The following SEL1L3 variants were observed in gnomAD, a reference collection of about 807,000 sequenced individuals.
SEL1L3 encodes the protein SEL1L family member 3.
SEL1L3 carries 76 observed loss-of-function variants against 142.8 expected under a neutral mutation model. That is an observed-to-expected ratio of 0.53 (90% confidence interval 0.44 to 0.64). The LOEUF (loss-of-function observed/expected upper bound fraction) is 0.64. SEL1L3 is among the 30% of genes least tolerant of loss of function. The pLI, the probability that SEL1L3 is intolerant of heterozygous loss-of-function variation, is 0.00. For missense variants in SEL1L3, 1,262 were observed against 1,381.7 expected (o/e 0.91, Z 1.37); for synonymous variants, 504 against 519.6 (o/e 0.97, Z 0.41).
At chr4:25,822,618 C>T (rs1203872841) in intron 6 of SEL1L3, among the ~76,000 whole-genome samples, 2 of 152,068 alleles carry the variant, frequency 1.3e-5, no homozygotes, top group East Asian at 1.9e-4. Context: ...AAGCCAAAAG[C>T]GTAGACTATT....
At chr4:25,754,509 C>T (rs956494636) in intron 23 of SEL1L3, among the ~76,000 whole-genome samples, 2 of 151,804 alleles carry the variant, frequency 1.3e-5, no homozygotes, top group African/African-American at 2.4e-5. Flanking sequence ...CCACCATACC[C>T]GTCCCATATT....
intron 9 of SEL1L3, among the ~76,000 whole-genome samples, chr4:25,817,674 G>C (rs1211023211): frequency 6.6e-6 from 1 of 152,164 alleles, no homozygotes; most frequent in African/African-American, 2.4e-5. Context: ...AGTATGCCTG[G>C]TCTCAGCCTC....
rs568452881 is a variant in SEL1L3 at position 25,797,604 on chromosome 4, G to A, written c.1956+4679C>T. Among the ~76,000 whole-genome samples, 249 of 152,276 alleles carry A rather than the reference G, an allele frequency of 1.6e-3. 3 individuals are homozygous for A. The highest frequency in any genetic ancestry group is 2.1e-4 in the Non-Finnish European group (14 of 68,016). ...GCATGCAAGAGAGGCAGGGGCTCATGGCAAGGGCTCTGGGTACCTGCCATC... is the reference window on the plus strand; with the variant it reads ...GCATGCAAGAGAGGCAGGGGCTCATAGCAAGGGCTCTGGGTACCTGCCATC... On this transcript the variant is annotated intron_variant, in intron 11 of 23. Transcript: ENST00000399878.
the SEL1L3 span, among the ~76,000 whole-genome samples, chr4:25,716,290 C>G: frequency 3.2e-4 from 49 of 152,180 alleles, no homozygotes; most frequent in African/African-American, 1.1e-3. Flanking sequence ...GATCAGGAAA[C>G]TATATATTAA....
chr4:25,834,021 T>C (rs1015621891), intron 3 of SEL1L3, among the ~76,000 whole-genome samples: 1 of 152,192 alleles, frequency 6.6e-6, no homozygotes, highest in African/African-American at 2.4e-5. Flanking sequence ...ATAAAAGCCA[T>C]AAGGTAGAAA....
intron 11 of SEL1L3, among the ~76,000 whole-genome samples, chr4:25,798,101 T>C (rs892786777): frequency 2.0e-5 from 3 of 152,070 alleles, no homozygotes; most frequent in Non-Finnish European, 2.9e-5. Context: ...CGAGTTTGGT[T>C]GGGGAGGTAG....
chr4:25,737,704 C>G, the SEL1L3 span, among the ~76,000 whole-genome samples: 601 of 152,246 alleles, frequency 3.9e-3, 8 homozygotes, highest in African/African-American at 0.014. Context: ...TTTGCATGCT[C>G]AAGTCCCTGA....
chr4:25,727,814 G>C, the SEL1L3 span, among the ~76,000 whole-genome samples: 1 of 152,182 alleles, frequency 6.6e-6, no homozygotes, highest in African/African-American at 2.4e-5. Context: ...CAGAGTCAGA[G>C]GGGAGAGATT....
At chr4:25,850,964 C>A (rs1328325327) in intron 1 of SEL1L3, among the ~76,000 whole-genome samples, 1 of 151,966 alleles carries the variant, frequency 6.6e-6, no homozygotes, top group Non-Finnish European at 1.5e-5. Context: ...GATTCTCCTG[C>A]CTCAGCCTCC....
intron 17 of SEL1L3, among the ~76,000 whole-genome samples, chr4:25,770,662 C>T (rs966091422): frequency 6.8e-6 from 1 of 146,150 alleles, no homozygotes; most frequent in African/African-American, 2.5e-5. Flanking sequence ...ATCATTTGAA[C>T]CCAGGAGGCG....
chr4:25,769,266 A>G (rs116814955), intron 17 of SEL1L3, among the ~76,000 whole-genome samples: 2,722 of 152,298 alleles, frequency 0.018, 33 homozygotes, highest in Middle Eastern at 0.041. Flanking sequence ...AATCCCTTGG[A>G]GACCGAGAGG....
At chr4:25,743,244 T>C (rs926440243), downstream of SEL1L3, among the ~76,000 whole-genome samples, 1 of 152,206 alleles carries the variant, frequency 6.6e-6, no homozygotes, top group Non-Finnish European at 1.5e-5. Flanking sequence ...TTTAAAAATA[T>C]TGAGTGGGCC....
At chr4:25,848,388 C>A (rs999568856) in intron 1 of SEL1L3, among the ~76,000 whole-genome samples, 1 of 152,206 alleles carries the variant, frequency 6.6e-6, no homozygotes, top group African/African-American at 2.4e-5. Context: ...CCAGGGCAAG[C>A]CTGCATGATA....
intron 1 of SEL1L3, among the ~76,000 whole-genome samples, chr4:25,854,518 T>C (rs921498185): frequency 6.6e-6 from 1 of 152,160 alleles, no homozygotes; most frequent in African/African-American, 2.4e-5. Context: ...CCTCAGGTGA[T>C]CCACCCACCT....
intron 7 of SEL1L3, 103 bp downstream of exon 7, chr4:25,821,893 T>C (rs1714783017): frequency 4.2e-6 from 5 of 1,178,756 alleles, no homozygotes; most frequent in South Asian, 1.6e-5. Flanking sequence ...AGGCGATGCA[T>C]GGTCTGGCTT....
chr4:25,759,184 C>T, intron 20 of SEL1L3, 116 bp from the exon 21 acceptor site: 1 of 1,082,744 alleles, frequency 9.2e-7, no homozygotes, highest in Non-Finnish European at 1.3e-6. Flanking sequence ...GTCTCTAGAG[C>T]CAGATGGTTT....
intron 1 of SEL1L3, among the ~76,000 whole-genome samples, chr4:25,857,313 C>G (rs1431612744): frequency 2.6e-5 from 4 of 152,210 alleles, no homozygotes; most frequent in African/African-American, 9.6e-5. Flanking sequence ...CAGAGCCACA[C>G]CATCACAGTC....
rs78260274 is a variant in SEL1L3 at position 25,803,306 on chromosome 4, C to A, written c.1777-844G>T. ...TTTCATTATTCCACCCTTGTGGGGA[C>A]TGCTTCCGGGACTCAGGAAAACATG... On this transcript the variant is annotated intron_variant, in intron 10 of 23. Transcript: ENST00000399878. Among the ~76,000 whole-genome samples the A allele has an allele frequency of 1.5e-3, 231 of 152,352 alleles. 1 individual carries two copies. Among genetic ancestry groups the A allele is most frequent in the African/African-American group, 4.3e-3 (179 of 41,584 alleles).
At chr4:25,728,127 T>C in the SEL1L3 span, among the ~76,000 whole-genome samples, 2 of 152,192 alleles carry the variant, frequency 1.3e-5, no homozygotes, top group Admixed American at 1.3e-4. Flanking sequence ...ACAATGAGAA[T>C]GACCATTAGT....
Sources: allele counts gnomAD v4.1 joint callset (sites outside exome capture counted in the v4.1 genomes callset), GRCh38; gene constraint gnomAD v4.1.1; transcripts MANE v1.5; gene names NCBI Gene and HGNC (gene_info 2026-07-23, HGNC 2026-07-21).